The following COL24A1 variants were observed in gnomAD, a reference collection of about 807,000 sequenced individuals.
COL24A1 encodes collagen type XXIV alpha 1 chain.
A neutral mutation model predicts 253.9 loss-of-function variants in COL24A1; 224 were observed. That is an observed-to-expected ratio of 0.88 (90% confidence interval 0.79 to 0.99). The LOEUF is 0.99. Among genes scored for constraint, COL24A1 ranks in the 50% least tolerant of loss-of-function variants. The pLI, the probability that COL24A1 is intolerant of heterozygous loss-of-function variation, is 0.00. For synonymous variants in COL24A1, 685 were observed against 673.7 expected (o/e 1.02, Z -0.26); for missense variants, 2,131 against 2,068.5 (o/e 1.03, Z -0.59).
rs777014703 is a variant in COL24A1, at chr1:86,112,613, G to C, written c.1553C>G (p.Pro518Arg). The change falls in exon 5 of 60, where the codon CCA becomes CGA. Residue 518 changes from proline to arginine, a missense_variant. Physicochemically the swap from Pro to Arg is moderately radical, Grantham distance 103 (BLOSUM62 -2). Coordinates refer to ENST00000370571, the MANE Select transcript of COL24A1 (RefSeq NM_152890.7). ...TAAACCAGGATTTCCATGTGGCCCTGGTATGCCCTGCAAGTAACGAAAAAA... is the reference window on the plus strand; with the variant it reads ...TAAACCAGGATTTCCATGTGGCCCTCGTATGCCCTGCAAGTAACGAAAAAA... Reference protein sequence around the residue: ...PSGKRGPRGIPGPHGNPGLPG... With the variant: ...PSGKRGPRGIRGPHGNPGLPG... The C allele has an allele frequency of 1.9e-6, 3 of 1,612,682 alleles. No individual in the cohort carries two copies. The highest frequency in any genetic ancestry group is 2.5e-6 in the Non-Finnish European group (3 of 1,179,210).
chr1:85,835,347 G>A (rs1391572274), intron 43 of COL24A1, among the ~76,000 whole-genome samples: 1 of 152,090 alleles, frequency 6.6e-6, no homozygotes, highest in Non-Finnish European at 1.5e-5. Context: ...GGGCAGGATG[G>A]TCTCGATCTC....
At chr1:86,042,202 A>C (rs1559098096) in intron 12 of COL24A1, among the ~76,000 whole-genome samples, 1 of 152,170 alleles carries the variant, frequency 6.6e-6, no homozygotes, top group Non-Finnish European at 1.5e-5. Flanking sequence ...CTGAAATCAA[A>C]AATGGCTTAA....
intron 23 of COL24A1, 103 bp from the exon 24 acceptor site, chr1:85,961,396 C>A: frequency 1.1e-6 from 1 of 914,286 alleles, no homozygotes; most frequent in Non-Finnish European, 1.7e-6. Flanking sequence ...TAGTCATAAC[C>A]TAGAAAAAGG....
At chr1:85,839,565 A>C (rs1387971297) in intron 42 of COL24A1, among the ~76,000 whole-genome samples, 1 of 151,856 alleles carries the variant, frequency 6.6e-6, no homozygotes, top group East Asian at 1.9e-4. Flanking sequence ...CTCTAAAAAA[A>C]ATTAAAAAAT....
intron 2 of COL24A1, among the ~76,000 whole-genome samples, chr1:86,142,522 C>CAAAAA (rs554778074): frequency 1.9e-4 from 22 of 115,452 alleles, no homozygotes; most frequent in East Asian, 1.1e-3. Context: ...GACACTGCCT[C>CAAAAA]AAAAAAAAAA....
chr1:85,790,582 G>A (rs1045810355), intron 47 of COL24A1, among the ~76,000 whole-genome samples: 3 of 151,276 alleles, frequency 2.0e-5, no homozygotes, highest in Admixed American at 2.0e-4. Flanking sequence ...TTGTACTGTT[G>A]CTTGGTGTAC....
chr1:86,110,863 C>T (rs1443526748), intron 5 of COL24A1, among the ~76,000 whole-genome samples: 1 of 152,146 alleles, frequency 6.6e-6, no homozygotes, highest in Non-Finnish European at 1.5e-5. Context: ...CCAAGCCTCC[C>T]CAGTGGGGGC....
chr1:86,131,512 C>G (rs140076342), intron 2 of COL24A1, among the ~76,000 whole-genome samples: 1 of 124,960 alleles, frequency 8.0e-6, no homozygotes, highest in Non-Finnish European at 1.7e-5. Flanking sequence ...TCCCTCCCCC[C>G]TCCCCCCACC....
chr1:85,843,127 G>T (rs778673440), intron 39 of COL24A1, among the ~76,000 whole-genome samples: 1 of 152,082 alleles, frequency 6.6e-6, no homozygotes, highest in Non-Finnish European at 1.5e-5. Context: ...GGAAAATTAA[G>T]GCACAGAATA....
At chr1:86,051,747 T>C (rs551617354) in intron 10 of COL24A1, among the ~76,000 whole-genome samples, 3 of 152,254 alleles carry the variant, frequency 2.0e-5, no homozygotes, top group Admixed American at 6.5e-5. Context: ...TCTATCTGTC[T>C]ATAAGAATCA....
chr1:86,115,527 C>T (rs1571972320), intron 3 of COL24A1, 149 bp from the exon 4 acceptor site: 1 of 680,458 alleles, frequency 1.5e-6, no homozygotes, highest in South Asian at 1.9e-5. Flanking sequence ...AACCCCCTTA[C>T]CCTAATCAGC....
intron 7 of COL24A1, among the ~76,000 whole-genome samples, chr1:86,077,783 A>T (rs1007075464): frequency 6.6e-6 from 1 of 152,236 alleles, no homozygotes; most frequent in South Asian, 2.1e-4. Context: ...GTGGGAGCTG[A>T]ACAATGAGAA....
rs757697726 is a variant in COL24A1 at position 85,847,724 on chromosome 1, G to C, written c.3403C>G (p.Pro1135Ala). 1.2e-6 allele frequency: 2 copies of C among 1,613,696 alleles called. No homozygotes were observed. The highest frequency in any genetic ancestry group is 1.7e-6 in the Non-Finnish European group (2 of 1,179,774). The change falls in exon 39 of 60, where the codon CCT (proline) becomes GCT (alanine). Residue 1135 changes from proline (P) to alanine (A), a missense_variant. By Grantham distance (27) the Pro-to-Ala change is conservative. Coordinates refer to ENST00000370571, the MANE Select transcript of COL24A1 (RefSeq NM_152890.7). Reference protein sequence around the residue: ...GPTGEVGSRGPPGKIGKSGPK... With the variant: ...GPTGEVGSRGAPGKIGKSGPK... ...CCACTTTTCCCAATTTTTCCAGGAG[G>C]ACCTCTGCTTCCAACTTCTCCTGTG...
chr1:86,036,008 G>T (rs138712784), intron 12 of COL24A1, among the ~76,000 whole-genome samples: 149 of 152,162 alleles, frequency 9.8e-4, no homozygotes, highest in African/African-American at 3.3e-3. Flanking sequence ...ACAACCAGCA[G>T]AAAAATAATG....
In COL24A1 at chr1:85,815,183, A is replaced by G. The variant is rs1425445610; in HGVS notation, c.3951+1605T>C. On this transcript the variant is annotated intron_variant, in intron 47 of 59. Transcript: ENST00000370571. ...GCAACAGGAAAAGATTCACTACAAT[A>G]TTTCCCAGTAAAACTTAATCCACAA... is the stretch of plus-strand genomic sequence containing the variant. 1.3e-5 allele frequency among the ~76,000 whole-genome samples: 2 copies of G among 152,224 alleles called. 1 individual carries two copies. Among genetic ancestry groups the G allele is most frequent in the Middle Eastern group, 6.3e-3 (2 of 316 alleles).
chr1:85,779,160 C>T (rs184692787), intron 52 of COL24A1, among the ~76,000 whole-genome samples: 2 of 151,994 alleles, frequency 1.3e-5, no homozygotes, highest in East Asian at 1.9e-4. Flanking sequence ...GCATGTACCA[C>T]CACACACAGC....
chr1:86,091,720 G>A (rs934326725), intron 6 of COL24A1, among the ~76,000 whole-genome samples: 21 of 151,946 alleles, frequency 1.4e-4, no homozygotes, highest in African/African-American at 5.1e-4. Flanking sequence ...AAAGCATACT[G>A]GACAAGAAGT....
chr1:86,118,802 A>G (rs543468997), intron 3 of COL24A1, among the ~76,000 whole-genome samples: 17 of 152,306 alleles, frequency 1.1e-4, no homozygotes, highest in African/African-American at 3.6e-4. Flanking sequence ...AGAAGAAAAT[A>G]AAATTTCAGA....
chr1:85,864,737 T>C (rs889291478), intron 37 of COL24A1, among the ~76,000 whole-genome samples: 3 of 152,200 alleles, frequency 2.0e-5, no homozygotes, highest in Non-Finnish European at 1.5e-5. Flanking sequence ...CTACCTAATA[T>C]CATACCACCT....
Sources: gnomAD v4.1 joint callset for allele counts (sites outside exome capture counted in the v4.1 genomes callset) on GRCh38, gnomAD v4.1.1 for gene constraint, MANE v1.5 for transcripts, NCBI Gene and HGNC (gene_info 2026-07-23, HGNC 2026-07-21) for gene names.